Variants in GAREM2 observed in about 807,000 individuals in gnomAD.
The protein encoded by GAREM2 is GRB2-associated and regulator of MAPK protein 2.
GAREM2 carries 30 observed loss-of-function variants against 55.6 expected under a neutral mutation model. The observed-to-expected ratio is 0.54, with a 90% confidence interval of 0.40 to 0.73. The LOEUF (loss-of-function observed/expected upper bound fraction) is 0.73, where lower values mean the gene tolerates loss of function less well. GAREM2 is among the 30% of genes least tolerant of loss of function. The pLI, the probability that GAREM2 is intolerant of heterozygous loss-of-function variation, is 0.00. For synonymous variants in GAREM2, 550 were observed against 569.1 expected (o/e 0.97, Z 0.48); for missense variants, 1,075 against 1,257.7 (o/e 0.85, Z 2.20).
downstream of GAREM2, chr2:26,192,355 A>G (rs780553972): frequency 1.9e-6 from 3 of 1,609,996 alleles, no homozygotes; most frequent in South Asian, 1.1e-5. Flanking sequence ...AATACTATCC[A>G]TGTCAGAATT....
the GAREM2 span, among the ~76,000 whole-genome samples, chr2:26,198,677 GA>G: frequency 6.6e-5 from 10 of 150,876 alleles, no homozygotes; most frequent in African/African-American, 2.2e-4. Flanking sequence ...AAAAAGGAAA[GA>G]AAAGAACTGT....
rs1032329899 is a variant in GAREM2, at chr2:26,173,316, C to T, written c.96C>T (p.Leu32=). The T allele has an allele frequency of 5.0e-6, 7 of 1,413,446 alleles. No individual in the cohort carries two copies. Among genetic ancestry groups the T allele is most frequent in the Middle Eastern group, 2.4e-4 (1 of 4,150 alleles). The allele number at this position is 1,413,446 out of a possible 1,614,324, so 87.6% of individuals were successfully genotyped here. The part of the protein sequence containing the change: ...LIVSRCRLPT[L]ACLGPGEYAE... ...TCAGCCGCTGCCGCCTGCCCACGCTCGCCTGCCTTGGGCCAGGTACCGGGG... is the reference window on the plus strand; with the variant it reads ...TCAGCCGCTGCCGCCTGCCCACGCTTGCCTGCCTTGGGCCAGGTACCGGGG... The change falls in exon 1 of 6, where the codon CTC becomes CTT. Residue 32 remains leucine, a synonymous_variant. Coordinates refer to ENST00000401533, the MANE Select transcript of GAREM2 (RefSeq NM_001168241.2).
the GAREM2 span, chr2:26,195,048 A>G: frequency 6.6e-7 from 1 of 1,510,028 alleles, no homozygotes; most frequent in Non-Finnish European, 9.2e-7. Context: ...GAGTCTTATT[A>G]GAACTTTTCA....
downstream of GAREM2, chr2:26,192,265 CAGAG>C (rs1558313886): frequency 2.0e-6 from 2 of 997,322 alleles, no homozygotes; most frequent in Non-Finnish European, 3.2e-6. Flanking sequence ...TTTGGGCTGT[CAGAG>C]AAAGTCAATT....
downstream of GAREM2, among the ~76,000 whole-genome samples, chr2:26,192,849 C>A (rs1434876792): frequency 1.3e-5 from 2 of 152,096 alleles, no homozygotes; most frequent in East Asian, 3.9e-4. Flanking sequence ...TCTAGCTAAC[C>A]CTAGCAAATT....
At chr2:26,193,655 G>C (rs1483418230), downstream of GAREM2, 1 of 1,614,096 alleles carries the variant, frequency 6.2e-7, no homozygotes, top group Admixed American at 1.7e-5. Context: ...ACTTTGCCCA[G>C]ATCTTCCGCC....
At chr2:26,198,821 TGGAG>T in the GAREM2 span, among the ~76,000 whole-genome samples, 2 of 151,798 alleles carry the variant, frequency 1.3e-5, no homozygotes, top group African/African-American at 4.8e-5. Flanking sequence ...AGGCCAAGGA[TGGAG>T]GATTACTTGA....
chr2:26,204,105 T>C, the GAREM2 span: 45 of 1,613,794 alleles, frequency 2.8e-5, no homozygotes, highest in Non-Finnish European at 3.6e-5. Context: ...GCAGTGAGGG[T>C]GGCATCTTTA....
intron 2 of GAREM2, chr2:26,181,165 T>G: frequency 2.0e-6 from 2 of 976,182 alleles, no homozygotes; most frequent in Non-Finnish European, 2.4e-6. Context: ...AACACTCCAG[T>G]GGGTCTCATG....
At position 26,188,101 on chromosome 2, in the gene GAREM2, C is replaced by T. The variant is rs1356133114; in HGVS notation, c.2469C>T (p.Leu823=). 4.5e-6 allele frequency: 7 copies of T among 1,551,012 alleles called. No individual in the cohort carries two copies. The highest frequency in any genetic ancestry group is 3.6e-5 in the South Asian group (3 of 83,834). ...CTCGCAGTCTGCGTTTCATCGGGCTCTCAGAGGATGTGGTGAGCTTCTTTG... is the reference window on the plus strand; with the variant it reads ...CTCGCAGTCTGCGTTTCATCGGGCTTTCAGAGGATGTGGTGAGCTTCTTTG... The part of the protein sequence containing the change: ...EVSRSLRFIG[L]SEDVVSFFAR... The change falls in exon 6 of 6, where the codon CTC becomes CTT. Residue 823 remains leucine (L), a synonymous_variant. Transcript: ENST00000401533.
chr2:26,197,825 G>T, the GAREM2 span: 1 of 933,986 alleles, frequency 1.1e-6, no homozygotes, highest in South Asian at 1.3e-5. Context: ...CCTGGGAGAT[G>T]ATTAGAGGCC....
chr2:26,176,674 T>A (rs1274206611), intron 2 of GAREM2, among the ~76,000 whole-genome samples, 190 bp downstream of exon 2: 1 of 152,170 alleles, frequency 6.6e-6, no homozygotes, highest in Non-Finnish European at 1.5e-5. Flanking sequence ...CACAGGTTTT[T>A]TGATTCACAT....
Position 26,184,835 on chromosome 2 carries a change from C to A in GAREM2, c.987C>A (p.Gly329=). Reference sequence around the variant, plus strand: ...CGCCGCGCTTCGCGCTGCCGCAGGGCCTGCTGGCCGGGGACCCGCGCGTCG... The same window carrying A: ...CGCCGCGCTTCGCGCTGCCGCAGGGACTGCTGGCCGGGGACCCGCGCGTCG... ...TDTPRFALPQ[G]LLAGDPRVER... Residue 329 remains glycine (G), a synonymous_variant, in exon 4 of 6, where the codon GGC becomes GGA. Transcript: ENST00000401533. 6.8e-7 allele frequency: 1 copy of A among 1,481,444 alleles called. No individual in the cohort carries two copies. The allele number at this position is 1,481,444 out of a possible 1,614,324, so 91.8% of individuals were successfully genotyped here.
chr2:26,176,940 T>C (rs1264389943), intron 2 of GAREM2, among the ~76,000 whole-genome samples: 1 of 152,186 alleles, frequency 6.6e-6, no homozygotes, highest in Non-Finnish European at 1.5e-5. Context: ...ATCCTGTTTT[T>C]CCCAATTTTT....
chr2:26,192,219 TAAAA>T, downstream of GAREM2: 2 of 658,814 alleles, frequency 3.0e-6, no homozygotes, highest in Non-Finnish European at 2.7e-6. Context: ...CTTAAAGTAT[TAAAA>T]AAAAAAAAAA....
At chr2:26,201,135 A>C in the GAREM2 span, 35 of 1,596,872 alleles carry the variant, frequency 2.2e-5, no homozygotes, top group Non-Finnish European at 2.9e-5. Flanking sequence ...CAAGTACAAC[A>C]GCCCCTTGCT....
chr2:26,173,161 C>A lies in GAREM2; in HGVS notation c.-60C>A. 1 of 586,874 alleles carries A rather than the reference C, an allele frequency of 1.7e-6. No homozygotes were observed. Among genetic ancestry groups the A allele is most frequent in the Non-Finnish European group, 2.3e-6 (1 of 440,856 alleles). 36.4% of individuals were successfully genotyped at this position (586,874 alleles called of 1,614,324 possible). A position where few individuals can be genotyped will look rare whatever the true frequency, so the allele number is the denominator to read the frequency against. Reference sequence around the variant, plus strand: ...GGGAGGTGGCGGCGGGCGCGAGAGCCTGGGCCGCGCGGGACTGACCGTCGG... The same window carrying A: ...GGGAGGTGGCGGCGGGCGCGAGAGCATGGGCCGCGCGGGACTGACCGTCGG... On this transcript the variant is annotated 5_prime_UTR_variant, in exon 1 of 6. The change creates a new upstream start codon in the 5' untranslated region. Transcript: ENST00000401533.
the GAREM2 span, among the ~76,000 whole-genome samples, chr2:26,202,575 T>C: frequency 1.3e-5 from 2 of 152,148 alleles, no homozygotes; most frequent in Admixed American, 6.5e-5. Flanking sequence ...ATCCCGTCTC[T>C]ATAAGAAAAA....
At chr2:26,193,188 C>T (rs1669561723), downstream of GAREM2, among the ~76,000 whole-genome samples, 1 of 151,896 alleles carries the variant, frequency 6.6e-6, no homozygotes, top group African/African-American at 2.4e-5. Flanking sequence ...AATGCTTGTC[C>T]ATCTGGCATA....
Sources: gnomAD v4.1 joint callset for allele counts (sites outside exome capture counted in the v4.1 genomes callset) on GRCh38, gnomAD v4.1.1 for gene constraint, MANE v1.5 for transcripts, NCBI Gene and HGNC (gene_info 2026-07-23, HGNC 2026-07-21) for gene names.